The following FNBP1 variants were observed in gnomAD, a reference collection of about 807,000 sequenced individuals.
FNBP1 encodes the protein formin binding protein 1.
In FNBP1, 26 loss-of-function variants were observed where a neutral mutation model predicts 90.6. The observed-to-expected ratio is 0.29, with a 90% CI of 0.21 to 0.40. The LOEUF (loss-of-function observed/expected upper bound fraction) is 0.40, where lower values mean the gene tolerates loss of function less well. FNBP1 is among the 10% of genes least tolerant of loss of function. The probability of loss-of-function intolerance (pLI) is 1.00; values close to 1 mark genes in which losing one functional copy is unlikely to be tolerated. For synonymous variants in FNBP1, 260 were observed against 265.2 expected, an observed-to-expected ratio of 0.98 and a Z score of 0.19; for missense variants, 635 against 768.0, an observed-to-expected ratio of 0.83 and a Z score of 2.05.
intron 4 of FNBP1, among the ~76,000 whole-genome samples, chr9:129,964,350 C>T (rs1180621221): frequency 6.6e-6 from 1 of 152,088 alleles, no homozygotes; most frequent in Non-Finnish European, 1.5e-5. Context: ...ACAGGAAATG[C>T]CATCTCTAGA....
intron 6 of FNBP1, among the ~76,000 whole-genome samples, chr9:129,955,333 G>A (rs866429531): frequency 8.0e-4 from 122 of 151,756 alleles, no homozygotes; most frequent in African/African-American, 2.6e-3. Context: ...TCCCAGGACC[G>A]AGCAATCCTC....
chr9:129,924,555 CAT>C (rs898056074), intron 9 of FNBP1, among the ~76,000 whole-genome samples: 3 of 152,184 alleles, frequency 2.0e-5, no homozygotes, highest in Non-Finnish European at 4.4e-5. Context: ...CATGGGTACA[CAT>C]GTTAACATGA....
chr9:129,930,395 A>C (rs1185914004), intron 6 of FNBP1, among the ~76,000 whole-genome samples: 1 of 152,100 alleles, frequency 6.6e-6, no homozygotes, highest in Non-Finnish European at 1.5e-5. Flanking sequence ...CCCAGTTCTC[A>C]ATGGGGTTCA....
chr9:129,890,992 T>A lies in FNBP1; in HGVS notation c.1847-446A>T, dbSNP rs532256645. 6.6e-6 allele frequency among the ~76,000 whole-genome samples: 1 copy of A among 151,676 alleles called. No homozygotes were observed. Among genetic ancestry groups the A allele is most frequent in the African/African-American group, 2.4e-5 (1 of 41,324 alleles). ...TAACATGGTGAAAACCCATCTCTAT[T>A]AAAAATACAACAATTAGCCTGGCGT... On this transcript the variant is annotated intron_variant, in intron 16 of 16. Transcript: ENST00000446176. The surrounding 1 kb of genome is among the most constrained non-coding windows in gnomAD (Gnocchi z 5.8).
At chr9:129,920,807 G>T (rs568852646) in intron 10 of FNBP1, among the ~76,000 whole-genome samples, 2 of 152,232 alleles carry the variant, frequency 1.3e-5, no homozygotes, top group Admixed American at 1.3e-4. Context: ...AAAAAATACA[G>T]AGATAATATA....
At chr9:129,925,228 C>G (rs942084721) in intron 8 of FNBP1, 71 bp from the exon 9 acceptor site, 1 of 1,274,808 alleles carries the variant, frequency 7.8e-7, no homozygotes, top group African/African-American at 1.5e-5. Flanking sequence ...ATGAATTGGC[C>G]AGGTGCGGTG....
intron 2 of FNBP1, among the ~76,000 whole-genome samples, chr9:129,985,147 T>C (rs2051955311): frequency 6.6e-6 from 1 of 151,772 alleles, no homozygotes; most frequent in Non-Finnish European, 1.5e-5. Context: ...GCAGAACATA[T>C]AATACCCCAG....
intron 16 of FNBP1, among the ~76,000 whole-genome samples, chr9:129,894,360 T>A (rs138722286): frequency 6.6e-6 from 1 of 152,294 alleles, no homozygotes; most frequent in Non-Finnish European, 1.5e-5. Context: ...TCATGTGGCC[T>A]AGATTCCTTT....
intron 1 of FNBP1, among the ~76,000 whole-genome samples, chr9:130,035,004 C>T (rs1262402560): frequency 4.6e-5 from 7 of 152,100 alleles, no homozygotes; most frequent in Admixed American, 3.3e-4. Context: ...CAAAAATTAG[C>T]AGAGTGTGGT....
chr9:129,920,229 A>C (rs1357658689), intron 10 of FNBP1, among the ~76,000 whole-genome samples: 2 of 152,186 alleles, frequency 1.3e-5, no homozygotes, highest in African/African-American at 4.8e-5. Flanking sequence ...CATACTGCTG[A>C]TTATGGTAAA....
At chr9:130,027,660 G>A (rs564517017) in intron 1 of FNBP1, among the ~76,000 whole-genome samples, 62 of 152,200 alleles carry the variant, frequency 4.1e-4, no homozygotes, top group African/African-American at 1.5e-3. Flanking sequence ...GCCTCAGCTG[G>A]GAAGGCTTAC....
At chr9:129,935,086 A>G (rs1484231081) in intron 6 of FNBP1, among the ~76,000 whole-genome samples, 1 of 151,398 alleles carries the variant, frequency 6.6e-6, no homozygotes, top group Non-Finnish European at 1.5e-5. Context: ...GATTATTAGC[A>G]TGGCCTAAAT....
intron 9 of FNBP1, 93 bp downstream of exon 9, chr9:129,924,867 C>T: frequency 9.1e-7 from 1 of 1,102,910 alleles, no homozygotes; most frequent in Non-Finnish European, 1.3e-6. Context: ...CATTCTGAAA[C>T]TACAGGTTTA....
At chr9:129,985,961 C>CAA (rs898462142) in intron 2 of FNBP1, among the ~76,000 whole-genome samples, 1,332 of 44,976 alleles carry the variant, frequency 0.03, 65 homozygotes, top group African/African-American at 0.07. Flanking sequence ...AGCTCCATCT[C>CAA]AAAAAAAAAA....
chr9:129,932,045 T>C (rs1588647377), intron 6 of FNBP1, among the ~76,000 whole-genome samples: 1 of 151,616 alleles, frequency 6.6e-6, no homozygotes, highest in South Asian at 2.1e-4. Context: ...ACCCCGTCTC[T>C]ACTAAAAATA....
chr9:129,992,932 A>G (rs986016656), intron 2 of FNBP1, among the ~76,000 whole-genome samples: 2 of 150,760 alleles, frequency 1.3e-5, no homozygotes, highest in East Asian at 2.0e-4. Context: ...AAAAAAAAAA[A>G]AAAAGAAAAA....
chr9:129,907,418 T>C (rs550631287), intron 12 of FNBP1, among the ~76,000 whole-genome samples: 1 of 152,334 alleles, frequency 6.6e-6, no homozygotes, highest in Non-Finnish European at 1.5e-5. Flanking sequence ...TAGTAACTGA[T>C]AGAGCCAGAT....
intron 3 of FNBP1, 80 bp downstream of exon 3, chr9:129,979,238 T>C (rs2050808567): frequency 4.0e-6 from 3 of 757,452 alleles, no homozygotes; most frequent in East Asian, 5.1e-5. Flanking sequence ...CTTATTTTTA[T>C]AGACATGTAT....
At chr9:130,024,966 G>C (rs893741504) in intron 1 of FNBP1, among the ~76,000 whole-genome samples, 4 of 152,094 alleles carry the variant, frequency 2.6e-5, no homozygotes, top group Non-Finnish European at 5.9e-5. Context: ...AATCACCTGA[G>C]GTCAGGAGTT....
Sources: allele counts gnomAD v4.1 joint callset (sites outside exome capture counted in the v4.1 genomes callset), GRCh38; gene constraint gnomAD v4.1.1; non-coding constraint Gnocchi (gnomAD v3.1); transcripts MANE v1.5; gene names NCBI Gene and HGNC (gene_info 2026-07-23, HGNC 2026-07-21).